CSMD1: variants seen among roughly 807,000 people sequenced by gnomAD.
The protein encoded by CSMD1 is CUB and sushi domain-containing protein 1.
Under a neutral mutation model 417.5 loss-of-function variants are expected in CSMD1, and 213 were observed. That is an observed-to-expected ratio of 0.51 (90% confidence interval 0.46 to 0.57). CSMD1 has a LOEUF of 0.57. Among genes scored for constraint, CSMD1 ranks in the 20% least tolerant of loss-of-function variants. CSMD1 has a pLI of 0.00. For missense variants in CSMD1, 6,923 were observed against 4,529.7 expected, an observed-to-expected ratio of 1.53 and a Z score of -15.17; for synonymous variants, 2,862 against 1,736.8, an observed-to-expected ratio of 1.65 and a Z score of -16.11.
chr8:4,586,366 GT>G (rs1799700279), intron 2 of CSMD1, among the ~76,000 whole-genome samples: 2 of 152,116 alleles, frequency 1.3e-5, no homozygotes, highest in South Asian at 4.1e-4. Flanking sequence ...CTCACAGAGT[GT>G]TGATTTTAAA....
At chr8:4,153,489 C>T (rs1194212542) in intron 3 of CSMD1, among the ~76,000 whole-genome samples, 1 of 152,200 alleles carries the variant, frequency 6.6e-6, no homozygotes, top group East Asian at 1.9e-4. Context: ...CCCAGTCTTT[C>T]TGACATTTCT....
chr8:3,514,096 T>C (rs1395000017), intron 10 of CSMD1, among the ~76,000 whole-genome samples: 1 of 152,096 alleles, frequency 6.6e-6, no homozygotes, highest in Non-Finnish European at 1.5e-5. Flanking sequence ...CACTCAATCC[T>C]CTTCTCTTGG....
chr8:4,023,617 C>T (rs1322893324), intron 4 of CSMD1, among the ~76,000 whole-genome samples: 4 of 146,956 alleles, frequency 2.7e-5, no homozygotes, highest in African/African-American at 1.0e-4. Context: ...CACGGAGTCT[C>T]GCTCTGTCGC....
chr8:4,040,894 C>G (rs1043470833), intron 3 of CSMD1, among the ~76,000 whole-genome samples: 1 of 151,778 alleles, frequency 6.6e-6, no homozygotes, highest in East Asian at 1.9e-4. Context: ...GTAAATGGCT[C>G]TTGAGAAGCA....
chr8:4,445,096 G>C (rs529404322), intron 2 of CSMD1, among the ~76,000 whole-genome samples: 2 of 151,928 alleles, frequency 1.3e-5, no homozygotes, highest in South Asian at 4.2e-4. Flanking sequence ...TTACTTCTCT[G>C]AACAACAAAA....
intron 4 of CSMD1, among the ~76,000 whole-genome samples, chr8:4,018,501 G>A (rs1186126146): frequency 1.3e-5 from 2 of 152,102 alleles, no homozygotes; most frequent in Admixed American, 1.3e-4. Flanking sequence ...GGAAGGGGAG[G>A]CAGCCAAAGC....
Position 4,055,610 on chromosome 8 carries a change from T to C in CSMD1, c.416-23511A>G, listed in dbSNP as rs565630105. ...GATTTAATAACGTTAAGAATTTTAA[T>C]GAATATAAAATATTAATGGAAAATA... On this transcript the variant is annotated intron_variant, in intron 3 of 69. Transcript: ENST00000635120. 9.9e-4 allele frequency among the ~76,000 whole-genome samples: 150 copies of C among 152,208 alleles called. 1 individual carries two copies. The highest frequency in any genetic ancestry group is 3.5e-3 in the African/African-American group (145 of 41,554).
chr8:3,706,557 G>T (rs537147834), intron 7 of CSMD1, among the ~76,000 whole-genome samples: 1 of 152,242 alleles, frequency 6.6e-6, no homozygotes, highest in East Asian at 1.9e-4. Flanking sequence ...TTATGCATAT[G>T]TCAATTTGTG....
intron 3 of CSMD1, among the ~76,000 whole-genome samples, chr8:4,249,079 C>G (rs750222243): frequency 2.0e-5 from 3 of 152,170 alleles, no homozygotes; most frequent in African/African-American, 7.2e-5. Context: ...CTGTTAGGCA[C>G]TCATGATCAC....
intron 2 of CSMD1, among the ~76,000 whole-genome samples, chr8:4,569,005 GA>G (rs1199394219): frequency 6.6e-6 from 1 of 152,032 alleles, no homozygotes; most frequent in Non-Finnish European, 1.5e-5. Context: ...ATAAATTCTG[GA>G]TATTAGATTA....
intron 52 of CSMD1, among the ~76,000 whole-genome samples, chr8:3,017,965 A>G (rs1306371115): frequency 1.3e-5 from 2 of 152,154 alleles, no homozygotes; most frequent in Non-Finnish European, 2.9e-5. Context: ...GATTTTTCAT[A>G]CACTTATTCA....
intron 3 of CSMD1, among the ~76,000 whole-genome samples, chr8:4,194,579 C>G (rs1038922452): frequency 6.6e-6 from 1 of 152,040 alleles, no homozygotes; most frequent in East Asian, 1.9e-4. Flanking sequence ...ACGCCATTTT[C>G]TTTTGTTTCC....
intron 50 of CSMD1, among the ~76,000 whole-genome samples, chr8:3,044,362 T>C (rs73657539): frequency 0.05 from 7,348 of 148,064 alleles, 612 homozygotes; most frequent in African/African-American, 0.18. Context: ...GTATACGTTG[T>C]TCTTTACTTT....
At chr8:3,929,412 A>T (rs530567705) in intron 5 of CSMD1, among the ~76,000 whole-genome samples, 2 of 150,568 alleles carry the variant, frequency 1.3e-5, no homozygotes, top group South Asian at 4.3e-4. Flanking sequence ...TGTAATTTCA[A>T]CCTTCCCCAC....
rs144567133 is a variant in CSMD1 at position 3,115,419 on chromosome 8, C to A, written c.6430+2980G>T. Among the ~76,000 whole-genome samples the A allele has an allele frequency of 9.7e-3, 1,473 of 152,298 alleles. 15 individuals are homozygous for A. The highest frequency in any genetic ancestry group is 0.052 in the East Asian group (271 of 5,168). On this transcript the variant is annotated intron_variant, in intron 42 of 69. Coordinates refer to ENST00000635120, the MANE Select transcript of CSMD1 (RefSeq NM_033225.6). ...GTTTTGCCATGTTGGCCAGGCTTGT[C>A]TCAAACTCCTGACCTCAGGTGATCC...
At position 2,966,018 on chromosome 8, in the gene CSMD1, A is replaced by C; in HGVS notation, c.9101-64T>G. On this transcript the variant is annotated intron_variant, in intron 58 of 69. Coordinates refer to ENST00000635120, the MANE Select transcript of CSMD1 (RefSeq NM_033225.6). ...TTTACCATGAAATGAATTAGTCACCATTTCTATTCAAGATACTCTCTCTGA... is the reference window on the plus strand; with the variant it reads ...TTTACCATGAAATGAATTAGTCACCCTTTCTATTCAAGATACTCTCTCTGA... 27 of 1,399,430 alleles carry C rather than the reference A, an allele frequency of 1.9e-5. No individual in the cohort carries two copies. In the South Asian group the frequency reaches 3.3e-4, roughly 17 times the overall value. The allele number at this position is 1,399,430 out of a possible 1,614,324, so 86.7% of individuals were successfully genotyped here.
rs549248395 is a variant in CSMD1 at position 3,720,935 on chromosome 8, C to T, written c.932-12444G>A. On this transcript the variant is annotated intron_variant, in intron 6 of 69. Coordinates refer to ENST00000635120, the MANE Select transcript of CSMD1 (RefSeq NM_033225.6). Reference sequence around the variant, plus strand: ...GGTTCAAGTGTTTCTCCTGCCTCAGCCTCCCAACTAGCTGGGATTACAGGC... The same window carrying T: ...GGTTCAAGTGTTTCTCCTGCCTCAGTCTCCCAACTAGCTGGGATTACAGGC... 1.4e-3 allele frequency among the ~76,000 whole-genome samples: 210 copies of T among 152,234 alleles called. 1 individual carries two copies. Among genetic ancestry groups the T allele is most frequent in the African/African-American group, 4.7e-3 (195 of 41,542 alleles).
At chr8:3,105,736 G>C (rs552627669) in intron 46 of CSMD1, among the ~76,000 whole-genome samples, 94 of 152,188 alleles carry the variant, frequency 6.2e-4, no homozygotes, top group Non-Finnish European at 1.2e-3. Flanking sequence ...TTATATGCAT[G>C]CTGAGGTATT....
At chr8:4,164,681 T>C (rs1797354235) in intron 3 of CSMD1, among the ~76,000 whole-genome samples, 1 of 152,056 alleles carries the variant, frequency 6.6e-6, no homozygotes, top group Non-Finnish European at 1.5e-5. Context: ...GAATATAAGA[T>C]TTTAAAATAT....
Sources: allele counts gnomAD v4.1 joint callset (sites outside exome capture counted in the v4.1 genomes callset), GRCh38; gene constraint gnomAD v4.1.1; transcripts MANE v1.5; gene names NCBI Gene and HGNC (gene_info 2026-07-23, HGNC 2026-07-21).